The following SNX29 variants were observed in gnomAD, a reference collection of about 807,000 sequenced individuals.
SNX29 encodes the protein sorting nexin 29.
In SNX29, 78 loss-of-function variants were observed where a neutral mutation model predicts 102.1. The ratio of observed to expected loss-of-function variants is 0.76; its 90% CI spans 0.64 to 0.92. The LOEUF is 0.92. SNX29 is among the 40% of genes least tolerant of loss of function. The pLI is 0.00. For missense variants in SNX29, 1,280 were observed against 1,061.7 expected, an observed-to-expected ratio of 1.21 and a Z score of -2.86; for synonymous variants, 580 against 414.5, an observed-to-expected ratio of 1.40 and a Z score of -4.85.
chr16:12,468,749 A>T lies in SNX29; in HGVS notation c.2038-8970A>T, dbSNP rs75474574. Among the ~76,000 whole-genome samples the T allele has an allele frequency of 3.4e-3, 515 of 152,324 alleles. 15 individuals carry two copies. The East Asian group carries it at 0.075, about 22-fold the overall frequency. ...CCACCTGGTGGTGACTGAGGAGGGA[A>T]CACGCAGTTCTGCCTGGGGGACAGC... On this transcript the variant is annotated intron_variant, in intron 18 of 20. Coordinates refer to ENST00000566228, the MANE Select transcript of SNX29 (RefSeq NM_032167.5).
intron 14 of SNX29, among the ~76,000 whole-genome samples, chr16:12,215,164 A>G (rs946760153): frequency 6.6e-6 from 1 of 152,108 alleles, no homozygotes; most frequent in Non-Finnish European, 1.5e-5. Context: ...GGTGGGTACT[A>G]TTATCCCCAT....
At chr16:12,336,044 A>G (rs1249031979) in intron 15 of SNX29, among the ~76,000 whole-genome samples, 9 of 152,174 alleles carry the variant, frequency 5.9e-5, no homozygotes, top group Non-Finnish European at 1.0e-4. Context: ...TGATATCTTT[A>G]TGAAACCCTT....
intron 14 of SNX29, among the ~76,000 whole-genome samples, chr16:12,208,542 C>T (rs1344372413): frequency 6.6e-6 from 1 of 152,178 alleles, no homozygotes; most frequent in Non-Finnish European, 1.5e-5. Flanking sequence ...ATAACCCCAG[C>T]ACTTTGGGAG....
chr16:12,426,282 C>T (rs2085076486), intron 18 of SNX29, among the ~76,000 whole-genome samples: 1 of 152,168 alleles, frequency 6.6e-6, no homozygotes, highest in Non-Finnish European at 1.5e-5. Flanking sequence ...TGTCTCTATG[C>T]CAGGATCCAG....
intron 3 of SNX29, among the ~76,000 whole-genome samples, chr16:12,009,665 C>T (rs754579350): frequency 6.6e-6 from 1 of 152,030 alleles, no homozygotes; most frequent in Non-Finnish European, 1.5e-5. Flanking sequence ...CTCTGAAATG[C>T]GCGCTTCTCT....
rs573496687 is a variant in SNX29, at chr16:12,536,465, C to T, written c.2318+11624C>T. ...GGCTTGGGTTTGACTCAAGGCTATGCCGTTTACTTTATCAGTGATCCTGGA... is the reference window on the plus strand; with the variant it reads ...GGCTTGGGTTTGACTCAAGGCTATGTCGTTTACTTTATCAGTGATCCTGGA... On this transcript the variant is annotated intron_variant, in intron 20 of 20. Coordinates refer to ENST00000566228, the MANE Select transcript of SNX29 (RefSeq NM_032167.5). 8.5e-5 allele frequency among the ~76,000 whole-genome samples: 13 copies of T among 152,174 alleles called. No individual in the cohort carries two copies. In the South Asian group the frequency reaches 2.7e-3, roughly 32 times the overall value.
chr16:12,536,497 C>A (rs369408492), intron 20 of SNX29, among the ~76,000 whole-genome samples: 2 of 152,250 alleles, frequency 1.3e-5, no homozygotes, highest in South Asian at 4.1e-4. Context: ...TGGATTAGAA[C>A]CTTTAGGGAC....
At chr16:12,295,165 A>G (rs1596796481) in intron 15 of SNX29, among the ~76,000 whole-genome samples, 2 of 152,292 alleles carry the variant, frequency 1.3e-5, no homozygotes, top group East Asian at 1.9e-4. Flanking sequence ...ACAAGTCAAG[A>G]TGAGATTTGG....
chr16:12,142,587 G>A (rs777415440), intron 13 of SNX29, among the ~76,000 whole-genome samples: 2 of 152,082 alleles, frequency 1.3e-5, no homozygotes, highest in African/African-American at 2.4e-5. Flanking sequence ...TTTTTGAGAC[G>A]GAGTTTTGTT....
intron 14 of SNX29, among the ~76,000 whole-genome samples, chr16:12,250,939 G>A (rs903339265): frequency 2.6e-5 from 4 of 152,202 alleles, no homozygotes; most frequent in African/African-American, 4.8e-5. Flanking sequence ...CCTGCAGGCC[G>A]CGAGGTACTG....
chr16:12,477,155 C>G (rs1328017639), intron 18 of SNX29, among the ~76,000 whole-genome samples: 1 of 152,124 alleles, frequency 6.6e-6, no homozygotes, highest in African/African-American at 2.4e-5. Flanking sequence ...AATTCTATGT[C>G]CCAGTTATGC....
Position 12,078,295 on chromosome 16 carries a change from C to T in SNX29, c.1320-538C>T, listed in dbSNP as rs148509236. Among the ~76,000 whole-genome samples the T allele has an allele frequency of 9.9e-4, 150 of 151,604 alleles. 1 individual carries two copies. The highest frequency in any genetic ancestry group is 3.4e-3 in the African/African-American group (139 of 41,342). ...TTTGAGACCAGTCTGGCCAACTTGGCGAAACCCCATTTCTAGTAAAAATAC... is the reference window on the plus strand; with the variant it reads ...TTTGAGACCAGTCTGGCCAACTTGGTGAAACCCCATTTCTAGTAAAAATAC... On this transcript the variant is annotated intron_variant, in intron 10 of 20. Transcript: ENST00000566228.
chr16:12,185,703 G>A (rs1437630015), intron 13 of SNX29, among the ~76,000 whole-genome samples: 5 of 152,248 alleles, frequency 3.3e-5, no homozygotes, highest in African/African-American at 1.2e-4. Flanking sequence ...AGACGACTGT[G>A]ACTTGTGCAA....
At chr16:12,563,617 AC>A (rs1464278102) in intron 20 of SNX29, among the ~76,000 whole-genome samples, 2 of 84,382 alleles carry the variant, frequency 2.4e-5, no homozygotes, top group African/African-American at 6.2e-5. Flanking sequence ...CATCTCACAG[AC>A]GAGACTGTCC....
rs1272895007 is a variant in SNX29, at chr16:12,242,352, A to AATATAT, written c.1679-35570_1679-35565dup. Reference sequence around the variant, plus strand: ...ATAGGAGAATCTAATTATATATAATAATATATATATATATATTTTTTTTTT... The same window carrying AATATAT: ...ATAGGAGAATCTAATTATATATAATAATATATATATATATATATATATTTTTTTTTT... On this transcript the variant is annotated intron_variant, in intron 14 of 20. Transcript: ENST00000566228. Among the ~76,000 whole-genome samples, 770 of 137,970 alleles carry AATATAT rather than the reference A, an allele frequency of 5.6e-3. 14 individuals carry two copies. Among genetic ancestry groups the AATATAT allele is most frequent in the African/African-American group, 0.021 (733 of 35,410 alleles). The allele number at this position is 137,970 out of a possible 152,430, so 90.5% of individuals were successfully genotyped here. A position where few individuals can be genotyped will look rare whatever the true frequency, so the allele number is the denominator to read the frequency against.
chr16:12,557,974 C>T (rs948834086), intron 20 of SNX29, among the ~76,000 whole-genome samples: 25 of 150,128 alleles, frequency 1.7e-4, no homozygotes, highest in African/African-American at 6.1e-4. Flanking sequence ...GGGTCTTCTG[C>T]TTAAGATTTT....
chr16:12,407,442 A>G (rs1390812592), intron 18 of SNX29, among the ~76,000 whole-genome samples: 4 of 152,318 alleles, frequency 2.6e-5, no homozygotes, highest in South Asian at 4.1e-4. Flanking sequence ...ATTTTAGGTA[A>G]AAAGGAAATG....
At chr16:12,366,020 C>A (rs143449111) in intron 16 of SNX29, among the ~76,000 whole-genome samples, 1 of 116,468 alleles carries the variant, frequency 8.6e-6, no homozygotes, top group African/African-American at 3.2e-5. Context: ...CCAGCCTGGG[C>A]GTCAGAGTGA....
intron 19 of SNX29, among the ~76,000 whole-genome samples, chr16:12,481,497 TGTAC>T (rs2087921774): frequency 6.9e-6 from 1 of 144,606 alleles, no homozygotes. Context: ...TATACACATA[TGTAC>T]ATATACATAT....
Sources: gnomAD v4.1 joint callset for allele counts (sites outside exome capture counted in the v4.1 genomes callset) on GRCh38, gnomAD v4.1.1 for gene constraint, MANE v1.5 for transcripts, NCBI Gene and HGNC (gene_info 2026-07-23, HGNC 2026-07-21) for gene names.